The following UQCC1 variants were observed in gnomAD, a reference collection of about 807,000 sequenced individuals.
The protein encoded by UQCC1 is ubiquinol-cytochrome c reductase complex assembly factor 1.
In UQCC1, 38 loss-of-function variants were observed where a neutral mutation model predicts 48.0. The observed-to-expected ratio is 0.79, with a 90% CI of 0.61 to 1.04. The LOEUF is 1.04. Among genes scored for constraint, UQCC1 ranks in the 50% least tolerant of loss-of-function variants. The pLI is 0.00. For synonymous variants in UQCC1, 111 were observed against 129.2 expected (o/e 0.86, Z 0.95); for missense variants, 368 against 381.8 (o/e 0.96, Z 0.30).
At chr20:35,404,134 C>A (rs2062211156) in intron 1 of UQCC1, among the ~76,000 whole-genome samples, 1 of 152,130 alleles carries the variant, frequency 6.6e-6, no homozygotes, top group African/African-American at 2.4e-5. Flanking sequence ...GTAATCCCAG[C>A]ACTTTGGGAA....
At chr20:35,384,394 A>T (rs2061912406) in intron 2 of UQCC1, among the ~76,000 whole-genome samples, 1 of 152,118 alleles carries the variant, frequency 6.6e-6, no homozygotes, top group Non-Finnish European at 1.5e-5. Flanking sequence ...TAATTCCAAC[A>T]CTTTGGGAGG....
chr20:35,405,143 C>T (rs193240783), intron 1 of UQCC1, among the ~76,000 whole-genome samples: 2 of 152,252 alleles, frequency 1.3e-5, no homozygotes, highest in East Asian at 1.9e-4. Context: ...TACATCCCAA[C>T]GTGCACACAG....
At chr20:35,374,695 T>C (rs534433154) in intron 4 of UQCC1, among the ~76,000 whole-genome samples, 1 of 152,304 alleles carries the variant, frequency 6.6e-6, no homozygotes, top group Non-Finnish European at 1.5e-5. Context: ...GGCACTACTA[T>C]CTATTCTATA....
At chr20:35,329,824 G>A (rs754717748) in intron 7 of UQCC1, among the ~76,000 whole-genome samples, 9 of 152,190 alleles carry the variant, frequency 5.9e-5, no homozygotes, top group Non-Finnish European at 1.0e-4. Context: ...CCAAGAGCTC[G>A]TCACAGTGCC....
intron 7 of UQCC1, among the ~76,000 whole-genome samples, chr20:35,341,218 CAAAAAAAAA>C (rs61675932): frequency 5.2e-5 from 6 of 115,838 alleles, no homozygotes. Flanking sequence ...GAGACTCCGT[CAAAAAAAAA>C]AAAAAAAAAA....
At chr20:35,367,092 TAAAAA>T (rs72469122) in intron 5 of UQCC1, among the ~76,000 whole-genome samples, 1 of 101,796 alleles carries the variant, frequency 9.8e-6, no homozygotes. Flanking sequence ...AGACTCTGTC[TAAAAA>T]AAAAAAAAAA....
chr20:35,396,915 A>G (rs2062085994), intron 1 of UQCC1, among the ~76,000 whole-genome samples: 1 of 152,246 alleles, frequency 6.6e-6, no homozygotes, highest in Non-Finnish European at 1.5e-5. Flanking sequence ...TTATAGGGCC[A>G]TAATGAGGAC....
chr20:35,307,711 A>C (rs1030380514), intron 8 of UQCC1, among the ~76,000 whole-genome samples: 3 of 152,192 alleles, frequency 2.0e-5, no homozygotes, highest in African/African-American at 7.2e-5. Flanking sequence ...TGACTAAACC[A>C]AAGTCTCAAT....
chr20:35,336,190 C>G (rs1238656412), intron 7 of UQCC1, among the ~76,000 whole-genome samples: 1 of 152,212 alleles, frequency 6.6e-6, no homozygotes, highest in Non-Finnish European at 1.5e-5. Flanking sequence ...AGCACAGGCT[C>G]TAGAGTCCAG....
rs1326166689 is a variant in UQCC1, at chr20:35,384,128, G to T, written c.135C>A (p.Pro45=). 1 of 1,611,624 alleles carries T rather than the reference G, an allele frequency of 6.2e-7. No individual in the cohort carries two copies. Among genetic ancestry groups the T allele is most frequent in the African/African-American group, 1.3e-5 (1 of 74,832 alleles). The change falls in exon 3 of 10, where the codon CCC becomes CCA. Residue 45 remains proline (P), a synonymous_variant. Coordinates refer to ENST00000374385, the MANE Select transcript of UQCC1 (RefSeq NM_018244.5). ...CACATGCTCGGGACTGGCTCATCTG[G>T]GGCCACTGAAGAATAAAAACACAGA... ...DRALSRTSQW[P]QMSQSRACGG...
chr20:35,338,546 T>C (rs541143974), intron 7 of UQCC1, among the ~76,000 whole-genome samples: 6 of 151,886 alleles, frequency 4.0e-5, no homozygotes, highest in South Asian at 2.1e-4. Flanking sequence ...ACCAGAAATA[T>C]GTATTAGAAA....
At chr20:35,308,548 T>C (rs2060952854) in intron 8 of UQCC1, among the ~76,000 whole-genome samples, 1 of 152,182 alleles carries the variant, frequency 6.6e-6, no homozygotes, top group South Asian at 2.1e-4. Flanking sequence ...AAGGGGCAAA[T>C]TCATAATCAG....
At chr20:35,399,908 A>C (rs1601025246) in intron 1 of UQCC1, among the ~76,000 whole-genome samples, 1 of 144,890 alleles carries the variant, frequency 6.9e-6, no homozygotes, top group Admixed American at 6.9e-5. Context: ...TTCTGGTTCT[A>C]CTGGCTCTAC....
intron 1 of UQCC1, among the ~76,000 whole-genome samples, chr20:35,402,091 A>C (rs922966872): frequency 6.6e-6 from 1 of 152,226 alleles, no homozygotes; most frequent in Non-Finnish European, 1.5e-5. Context: ...GCATGCTATA[A>C]TACAAAAGGA....
rs753905199 is a variant in UQCC1, at chr20:35,394,209, A to G, written c.25-13T>C. ...TAGTCTGGTTCCTCTAAAGAAAGAA[A>G]ATAATAATCTGTCAGGAATCTAAAT... On this transcript the variant is annotated splice_polypyrimidine_tract_variant and intron_variant, in intron 1 of 9. Transcript: ENST00000374385. The G allele has an allele frequency of 6.2e-7, 1 of 1,605,440 alleles. No individual in the cohort carries two copies. Among genetic ancestry groups the G allele is most frequent in the Non-Finnish European group, 8.5e-7 (1 of 1,172,346 alleles).
intron 7 of UQCC1, among the ~76,000 whole-genome samples, chr20:35,326,065 C>T (rs1364559916): frequency 6.6e-6 from 1 of 152,112 alleles, no homozygotes; most frequent in Admixed American, 6.5e-5. Context: ...CCTAGAAGTA[C>T]AGATCACAAA....
intron 7 of UQCC1, among the ~76,000 whole-genome samples, chr20:35,320,996 C>T (rs543654973): frequency 6.6e-6 from 1 of 152,306 alleles, no homozygotes; most frequent in South Asian, 2.1e-4. Flanking sequence ...AGTGCCAACG[C>T]CATGTTCTAC....
At position 35,314,702 on chromosome 20, in the gene UQCC1, A is replaced by G. The variant is rs1234006708; in HGVS notation, c.637T>C (p.Leu213=). Residue 213 remains leucine, a synonymous_variant, in exon 8 of 10, where the codon TTG becomes CTG. Transcript: ENST00000374385. ...AACAATCTTACCTCATCATATCCCAAGATCGCTGCATAGAAATGATTTGTC... is the reference window on the plus strand; with the variant it reads ...AACAATCTTACCTCATCATATCCCAGGATCGCTGCATAGAAATGATTTGTC... ...LMTNHFYAAI[L]GYDEGILSDD... The G allele has an allele frequency of 1.2e-6, 2 of 1,608,400 alleles. No individual in the cohort carries two copies. The highest frequency in any genetic ancestry group is 2.2e-5 in the South Asian group (2 of 90,552).
intron 1 of UQCC1, among the ~76,000 whole-genome samples, chr20:35,402,580 AAAACAAAC>A (rs201662360): frequency 0.14 from 20,108 of 141,956 alleles, 1,734 homozygotes; most frequent in South Asian, 0.3. Context: ...TCCATCTCAA[AAAACAAAC>A]AAACAAACAA....
Sources: gnomAD v4.1 joint callset for allele counts (sites outside exome capture counted in the v4.1 genomes callset) on GRCh38, gnomAD v4.1.1 for gene constraint, MANE v1.5 for transcripts, NCBI Gene and HGNC (gene_info 2026-07-23, HGNC 2026-07-21) for gene names.